The following MPDZ variants were observed in gnomAD, a reference collection of about 807,000 sequenced individuals.
MPDZ encodes the protein multiple PDZ domain crumbs cell polarity complex component, also known as multiple PDZ domain protein.
In MPDZ, 234 loss-of-function variants were observed where a neutral mutation model predicts 239.1. The observed-to-expected ratio is 0.98, with a 90% CI of 0.88 to 1.09. The LOEUF (loss-of-function observed/expected upper bound fraction) is 1.09, where lower values mean the gene tolerates loss of function less well. MPDZ is among the 50% of genes least tolerant of loss of function. The pLI is 0.00. For synonymous variants in MPDZ, 1,048 were observed against 881.3 expected (o/e 1.19, Z -3.35); for missense variants, 3,175 against 2,510.0 (o/e 1.26, Z -5.66).
At chr9:13,153,036 G>T (rs1267494942) in intron 24 of MPDZ, among the ~76,000 whole-genome samples, 1 of 152,046 alleles carries the variant, frequency 6.6e-6, no homozygotes, top group Non-Finnish European at 1.5e-5. Flanking sequence ...GGAAGACAAT[G>T]TTGGACATTA....
chr9:13,200,451 T>C (rs1956247653), intron 12 of MPDZ, among the ~76,000 whole-genome samples: 1 of 152,048 alleles, frequency 6.6e-6, no homozygotes. Context: ...ACAATTATTC[T>C]TTCTTTCTGC....
At chr9:13,193,948 G>A (rs889500919) in intron 13 of MPDZ, among the ~76,000 whole-genome samples, 2 of 152,120 alleles carry the variant, frequency 1.3e-5, no homozygotes, top group African/African-American at 4.8e-5. Flanking sequence ...ATTAAAAAGA[G>A]CTCTTTCAAA....
Position 13,196,127 on chromosome 9 carries a change from T to C in MPDZ, c.1650A>G (p.Glu550=), listed in dbSNP as rs1443159981. 1 of 1,590,970 alleles carries C rather than the reference T, an allele frequency of 6.3e-7. No homozygotes were observed. The highest frequency in any genetic ancestry group is 1.1e-5 in the South Asian group (1 of 87,886). ...AGAAGGTCAGCTAACCTACCACTAT[T>C]TCATAGTTAATTCCCATAATCCTTT... ...KWQRIMGINY[E]IVVAHVSKFS... is the part of the protein sequence containing the mutation. Residue 550 remains glutamate (E), a synonymous_variant, in exon 13 of 47, where the codon GAA becomes GAG. Transcript: ENST00000319217.
At chr9:13,191,615 G>T (rs1954940595) in intron 15 of MPDZ, among the ~76,000 whole-genome samples, 1 of 152,116 alleles carries the variant, frequency 6.6e-6, no homozygotes, top group African/African-American at 2.4e-5. Flanking sequence ...TATCCACACA[G>T]AAATGCTGTG....
intron 1 of MPDZ, among the ~76,000 whole-genome samples, chr9:13,256,285 A>G (rs1381407397): frequency 2.0e-5 from 3 of 152,202 alleles, no homozygotes; most frequent in African/African-American, 7.2e-5. Flanking sequence ...TATCCAGACC[A>G]CTAAAACTTT....
chr9:13,119,654 A>G lies in MPDZ; in HGVS notation c.5232-5T>C. On this transcript the variant is annotated splice_region_variant and splice_polypyrimidine_tract_variant and intron_variant, in intron 38 of 46. Transcript: ENST00000319217. ...ACAAATACTCCAGTATCGTTTCTAC[A>G]CACAATTTTGAATTTCAACATTATC... 4 of 1,613,932 alleles carry G rather than the reference A, an allele frequency of 2.5e-6. No homozygotes were observed. The highest frequency in any genetic ancestry group is 3.3e-5 in the Admixed American group (2 of 60,032).
chr9:13,166,324 T>C (rs886364028), intron 22 of MPDZ, among the ~76,000 whole-genome samples: 2 of 152,166 alleles, frequency 1.3e-5, no homozygotes, highest in Admixed American at 6.6e-5. Flanking sequence ...AAACACTTCA[T>C]GCAAAATGCA....
At chr9:13,225,206 T>A (rs1004610325) in intron 3 of MPDZ, among the ~76,000 whole-genome samples, 1 of 152,002 alleles carries the variant, frequency 6.6e-6, no homozygotes, top group Non-Finnish European at 1.5e-5. Flanking sequence ...TAAAAAAAAA[T>A]TAAGACTTTA....
chr9:13,116,664 C>T (rs550725761), intron 39 of MPDZ, among the ~76,000 whole-genome samples: 25 of 152,144 alleles, frequency 1.6e-4, no homozygotes, highest in Non-Finnish European at 3.5e-4. Flanking sequence ...TGTAATGTTG[C>T]GACCCTTTCA....
intron 32 of MPDZ, 70 bp downstream of exon 32, chr9:13,133,754 G>A (rs1330928049): frequency 2.6e-5 from 29 of 1,114,484 alleles, no homozygotes; most frequent in Non-Finnish European, 3.5e-5. Context: ...ACACTTTTGA[G>A]AACACAGTGA....
intron 8 of MPDZ, 116 bp from the exon 9 acceptor site, chr9:13,217,410 T>C: frequency 1.5e-6 from 1 of 656,354 alleles, no homozygotes; most frequent in Non-Finnish European, 2.6e-6. Context: ...CTACTTTAAT[T>C]CTCTAGCAAA....
chr9:13,107,051 G>T lies in MPDZ; in HGVS notation c.6127C>A (p.Gln2043Lys). 1 of 1,610,200 alleles carries T rather than the reference G, an allele frequency of 6.2e-7. No individual in the cohort carries two copies. Among genetic ancestry groups the T allele is most frequent in the Admixed American group, 1.7e-5 (1 of 59,998 alleles). ...RGDQIIAVNG[Q>K]SLEGVTHEEA... ...TCATGGGTGACTCCTTCTAGACTCTGCCCATTGACAGCAATGATCTGATCG... is the reference window on the plus strand; with the variant it reads ...TCATGGGTGACTCCTTCTAGACTCTTCCCATTGACAGCAATGATCTGATCG... Residue 2043 changes from glutamine (Q) to lysine (K), a missense_variant, in exon 47 of 47, where the codon CAG (glutamine) becomes AAG (lysine). Physicochemically the swap from Gln to Lys is moderately conservative, Grantham distance 53. Transcript: ENST00000319217.
intron 1 of MPDZ, among the ~76,000 whole-genome samples, chr9:13,253,914 C>A (rs7041374): frequency 6.6e-6 from 1 of 151,992 alleles, no homozygotes; most frequent in African/African-American, 2.4e-5. Flanking sequence ...ACACAATCCA[C>A]TCACTTTATA....
At chr9:13,111,677 G>A (rs375030047) in intron 43 of MPDZ, among the ~76,000 whole-genome samples, 8 of 151,974 alleles carry the variant, frequency 5.3e-5, no homozygotes, top group Non-Finnish European at 8.8e-5. Flanking sequence ...GAGTTAAATC[G>A]GCGTTTAAAC....
At chr9:13,255,750 G>A (rs958351750) in intron 1 of MPDZ, among the ~76,000 whole-genome samples, 7 of 152,184 alleles carry the variant, frequency 4.6e-5, no homozygotes, top group Admixed American at 6.5e-5. Context: ...CCGATGTGCT[G>A]TTATCCAGTC....
chr9:13,264,992 T>C (rs1183850821), intron 1 of MPDZ, among the ~76,000 whole-genome samples: 3 of 152,194 alleles, frequency 2.0e-5, no homozygotes, highest in Non-Finnish European at 2.9e-5. Flanking sequence ...ATTTCTTGCA[T>C]AGAACCAGGC....
intron 3 of MPDZ, among the ~76,000 whole-genome samples, chr9:13,231,004 T>C (rs1207846487): frequency 2.6e-5 from 4 of 151,886 alleles, no homozygotes; most frequent in Admixed American, 2.0e-4. Flanking sequence ...AAATAACATA[T>C]ATTGCAGCAA....
rs1380945913 is a variant in MPDZ, at chr9:13,125,248, T to A, written c.4775A>T (p.Gln1592Leu). ...GGACTCCGGTTCTGGGGAGCCAGAC[T>A]GTGGGACCATCAGAGACTGGGAGCT... Reference protein sequence around the residue: ...KNSSQSLMVPQSGSPEPESIR... With the variant: ...KNSSQSLMVPLSGSPEPESIR... The change falls in exon 35 of 47, where the codon CAG becomes CTG. Residue 1592 changes from glutamine (Q) to leucine (L), a missense_variant. By Grantham distance (113) the Gln-to-Leu change is moderately radical. Transcript: ENST00000319217. 2 of 1,610,750 alleles carry A rather than the reference T, an allele frequency of 1.2e-6. No homozygotes were observed. The highest frequency in any genetic ancestry group is 1.7e-6 in the Non-Finnish European group (2 of 1,177,814).
intron 32 of MPDZ, among the ~76,000 whole-genome samples, chr9:13,127,094 A>G (rs1168046422): frequency 6.6e-6 from 1 of 152,196 alleles, no homozygotes; most frequent in Non-Finnish European, 1.5e-5. Flanking sequence ...GCATTTACAA[A>G]TTTTGTCTAA....
Sources: gnomAD v4.1 joint callset for allele counts (sites outside exome capture counted in the v4.1 genomes callset) on GRCh38, gnomAD v4.1.1 for gene constraint, MANE v1.5 for transcripts, NCBI Gene and HGNC (gene_info 2026-07-23, HGNC 2026-07-21) for gene names.